The following FBXO36 variants were observed in gnomAD, a reference collection of about 807,000 sequenced individuals.
The protein encoded by FBXO36 is F-box only protein 36.
Under a neutral mutation model 17.0 loss-of-function variants are expected in FBXO36, and 18 were observed. That is an observed-to-expected ratio of 1.06 (90% CI 0.73 to 1.57). The LOEUF (loss-of-function observed/expected upper bound fraction) is 1.57. Among genes scored for constraint, FBXO36 ranks in the 40% most tolerant of loss-of-function variants. The probability of loss-of-function intolerance (pLI) is 0.00; values close to 1 mark genes in which losing one functional copy is unlikely to be tolerated. For synonymous variants in FBXO36, 83 were observed against 85.3 expected (o/e 0.97, Z 0.15); for missense variants, 229 against 221.9 (o/e 1.03, Z -0.20).
intron 1 of FBXO36, among the ~76,000 whole-genome samples, chr2:229,973,930 G>A (rs2077194320): frequency 6.7e-6 from 1 of 149,198 alleles, no homozygotes. Flanking sequence ...CGCGCCTGTG[G>A]TCCCAGCTAC....
intron 1 of FBXO36, among the ~76,000 whole-genome samples, chr2:229,945,953 C>A (rs557026684): frequency 1.3e-5 from 2 of 150,146 alleles, no homozygotes; most frequent in African/African-American, 4.9e-5. Flanking sequence ...ACCCGGGAGG[C>A]GGAGGTTGCA....
chr2:229,989,063 G>C (rs2077285131), intron 2 of FBXO36, among the ~76,000 whole-genome samples: 1 of 152,012 alleles, frequency 6.6e-6, no homozygotes, highest in Admixed American at 6.6e-5. Context: ...GATCATTTCA[G>C]TGTGAGATTG....
At chr2:229,926,638 G>A (rs2076913797) in intron 1 of FBXO36, among the ~76,000 whole-genome samples, 1 of 151,430 alleles carries the variant, frequency 6.6e-6, no homozygotes, top group Non-Finnish European at 1.5e-5. Context: ...CAGCCACTGG[G>A]TAGGCTGAGG....
At chr2:229,954,226 C>A (rs924717427) in intron 1 of FBXO36, among the ~76,000 whole-genome samples, 1 of 78,562 alleles carries the variant, frequency 1.3e-5, no homozygotes, top group African/African-American at 3.9e-5. Context: ...TCATTACAAA[C>A]CCTTTGGATT....
chr2:229,989,314 A>G (rs567897813), intron 2 of FBXO36, among the ~76,000 whole-genome samples: 3 of 152,200 alleles, frequency 2.0e-5, no homozygotes, highest in Non-Finnish European at 2.9e-5. Context: ...CTGGAATGCA[A>G]TGGCACAATT....
rs1265021241 is a variant in FBXO36 at position 229,959,899 on chromosome 2, G to A, written c.97-16342G>A. Among the ~76,000 whole-genome samples, 3 of 151,816 alleles carry A rather than the reference G, an allele frequency of 2.0e-5. No individual in the cohort carries two copies. In the East Asian group the frequency reaches 5.8e-4, roughly 29 times the overall value. ...CATTTCTGGATCTGAAGACCTAGGA[G>A]AGGAAGCAAAATGAATAACTACCAT... is the stretch of plus-strand genomic sequence containing the variant. On this transcript the variant is annotated intron_variant, in intron 1 of 3. Coordinates refer to ENST00000283946, the MANE Select transcript of FBXO36 (RefSeq NM_174899.5).
chr2:230,009,966 A>T (rs1044082992), intron 3 of FBXO36, among the ~76,000 whole-genome samples: 5 of 147,870 alleles, frequency 3.4e-5, no homozygotes, highest in African/African-American at 1.3e-4. Flanking sequence ...ATAGATAGAT[A>T]AAAAAATAGA....
chr2:229,927,658 A>G (rs1312025582), intron 1 of FBXO36, among the ~76,000 whole-genome samples: 1 of 152,128 alleles, frequency 6.6e-6, no homozygotes, highest in Non-Finnish European at 1.5e-5. Flanking sequence ...CAGATGAAAG[A>G]AGGAAGAATT....
intron 1 of FBXO36, among the ~76,000 whole-genome samples, chr2:229,929,791 G>A (rs2076930404): frequency 6.6e-6 from 1 of 151,948 alleles, no homozygotes; most frequent in African/African-American, 2.4e-5. Context: ...CCCAGGAGGT[G>A]GAGGTTGCAG....
At chr2:229,994,046 A>G (rs975312613) in intron 2 of FBXO36, among the ~76,000 whole-genome samples, 2 of 152,096 alleles carry the variant, frequency 1.3e-5, no homozygotes, top group African/African-American at 2.4e-5. Flanking sequence ...TGCTGGGATT[A>G]CAGGCGTGAG....
intron 3 of FBXO36, 55 bp from the exon 4 acceptor site, chr2:230,010,641 A>G: frequency 6.7e-7 from 1 of 1,490,324 alleles, no homozygotes; most frequent in East Asian, 2.3e-5. Flanking sequence ...CAAGAGTTTG[A>G]TAATGAGTTA....
chr2:229,958,524 C>T (rs1460179255), intron 1 of FBXO36, among the ~76,000 whole-genome samples: 1 of 152,164 alleles, frequency 6.6e-6, no homozygotes, highest in Non-Finnish European at 1.5e-5. Flanking sequence ...CCACCTTGGC[C>T]TCCCTAAGTG....
chr2:229,976,598 A>G (rs2077209932), intron 2 of FBXO36: 1 of 303,836 alleles, frequency 3.3e-6, no homozygotes, highest in East Asian at 7.6e-5. Flanking sequence ...AGGCGGGTGG[A>G]TCATGATGTC....
chr2:229,938,479 C>T (rs1257137453), intron 1 of FBXO36, among the ~76,000 whole-genome samples: 1 of 128,280 alleles, frequency 7.8e-6, no homozygotes, highest in East Asian at 2.4e-4. Context: ...TTAGATACAA[C>T]TTTCTTTTTT....
At chr2:229,941,530 A>G (rs887751714) in intron 1 of FBXO36, among the ~76,000 whole-genome samples, 1 of 152,130 alleles carries the variant, frequency 6.6e-6, no homozygotes, top group East Asian at 1.9e-4. Flanking sequence ...GCTTCAGGGA[A>G]CTGAAATAGG....
At chr2:229,923,008 G>A in intron 1 of FBXO36, 1 of 174,728 alleles carries the variant, frequency 5.7e-6, no homozygotes, top group East Asian at 1.6e-4. Context: ...GGCTAGGGAG[G>A]GGAAAAGGAG....
At chr2:229,984,183 A>G (rs983195738) in intron 2 of FBXO36, among the ~76,000 whole-genome samples, 1 of 151,810 alleles carries the variant, frequency 6.6e-6, no homozygotes, top group Admixed American at 6.6e-5. Context: ...CCCTGTCTCT[A>G]CTAAAAATAC....
intron 2 of FBXO36, among the ~76,000 whole-genome samples, chr2:229,978,417 T>C (rs2077221148): frequency 6.6e-6 from 1 of 151,908 alleles, no homozygotes; most frequent in Admixed American, 6.6e-5. Flanking sequence ...ACCCCATCTC[T>C]ACTAAAAATA....
chr2:230,004,492 G>C (rs1437349435), intron 3 of FBXO36, among the ~76,000 whole-genome samples: 1 of 152,098 alleles, frequency 6.6e-6, no homozygotes, highest in East Asian at 1.9e-4. Flanking sequence ...TCCCAGTCCT[G>C]ACCCTCATTC....
Sources: allele counts gnomAD v4.1 joint callset (sites outside exome capture counted in the v4.1 genomes callset), GRCh38; gene constraint gnomAD v4.1.1; transcripts MANE v1.5; gene names NCBI Gene and HGNC (gene_info 2026-07-23, HGNC 2026-07-21).